The following CNTN5 variants were observed in gnomAD, a reference collection of about 807,000 sequenced individuals.
The protein encoded by CNTN5 is contactin 5.
In CNTN5, 77 loss-of-function variants were observed where a neutral mutation model predicts 129.1. The observed-to-expected ratio is 0.60, with a 90% CI of 0.50 to 0.72. CNTN5 has a LOEUF of 0.72. CNTN5 is among the 30% of genes least tolerant of loss of function. The probability of loss-of-function intolerance (pLI) is 0.00; values close to 1 mark genes in which losing one functional copy is unlikely to be tolerated. For synonymous variants in CNTN5, 509 were observed against 465.6 expected (o/e 1.09, Z -1.20); for missense variants, 1,478 against 1,328.8 (o/e 1.11, Z -1.75).
chr11:100,253,041 A>G (rs1219178713), intron 16 of CNTN5, among the ~76,000 whole-genome samples: 1 of 152,170 alleles, frequency 6.6e-6, no homozygotes, highest in Non-Finnish European at 1.5e-5. Flanking sequence ...TTCAGGGAGT[A>G]AAGGAAGTGA....
intron 1 of CNTN5, chr11:99,049,884 C>G (rs893120680): frequency 6.6e-6 from 1 of 152,140 alleles, no homozygotes; most frequent in African/African-American, 2.4e-5. Flanking sequence ...TTACATGACT[C>G]TGATCATCTC....
intron 2 of CNTN5, among the ~76,000 whole-genome samples, chr11:99,398,733 T>G (rs1941652115): frequency 6.6e-6 from 1 of 151,798 alleles, no homozygotes; most frequent in African/African-American, 2.4e-5. Flanking sequence ...GATGTCAGTC[T>G]GTTTATCAAT....
At chr11:99,550,189 C>T (rs1013543585) in intron 2 of CNTN5, among the ~76,000 whole-genome samples, 4 of 152,128 alleles carry the variant, frequency 2.6e-5, no homozygotes, top group African/African-American at 9.7e-5. Context: ...GCACTTTGTC[C>T]AGGACACAAA....
At chr11:99,889,291 GGTGTGT>G (rs71050029) in intron 6 of CNTN5, among the ~76,000 whole-genome samples, 2 of 33,226 alleles carry the variant, frequency 6.0e-5, no homozygotes, top group Non-Finnish European at 1.2e-4. Context: ...CTCCAGAGCA[GGTGTGT>G]GTGTGTGTGT....
chr11:99,050,958 C>T (rs190682076), intron 1 of CNTN5, among the ~76,000 whole-genome samples: 31 of 151,784 alleles, frequency 2.0e-4, no homozygotes, highest in East Asian at 7.7e-4. Flanking sequence ...TATGTATTTG[C>T]GTATTAATGT....
intron 4 of CNTN5, among the ~76,000 whole-genome samples, chr11:99,841,284 T>A (rs1947481805): frequency 6.6e-6 from 1 of 152,188 alleles, no homozygotes. Flanking sequence ...TCCCTTATTA[T>A]TTAGCCTATA....
At chr11:99,964,019 A>G (rs1565729116) in intron 8 of CNTN5, among the ~76,000 whole-genome samples, 1 of 152,182 alleles carries the variant, frequency 6.6e-6, no homozygotes, top group Non-Finnish European at 1.5e-5. Context: ...GTATGCCGAG[A>G]CTTTGCTGAA....
intron 3 of CNTN5, among the ~76,000 whole-genome samples, chr11:99,713,993 G>A (rs77910469): frequency 3.3e-5 from 5 of 151,916 alleles, no homozygotes; most frequent in South Asian, 2.1e-4. Context: ...GAAATTTTCC[G>A]CAGACACAAA....
intron 3 of CNTN5, among the ~76,000 whole-genome samples, chr11:99,793,478 TG>T (rs1945827117): frequency 6.6e-6 from 1 of 152,198 alleles, no homozygotes. Flanking sequence ...CCGCTAGATT[TG>T]GGGGTGATTT....
At chr11:99,132,142 C>T (rs112345862) in intron 1 of CNTN5, among the ~76,000 whole-genome samples, 12,243 of 151,794 alleles carry the variant, frequency 0.081, 666 homozygotes, top group South Asian at 0.12. Flanking sequence ...GAACTAAAGA[C>T]GAAAACCATA....
chr11:100,196,154 T>C (rs1243884145), intron 15 of CNTN5, among the ~76,000 whole-genome samples: 3 of 151,884 alleles, frequency 2.0e-5, no homozygotes, highest in African/African-American at 7.3e-5. Flanking sequence ...TTCCGGGACT[T>C]AAGCAGGAAT....
intron 3 of CNTN5, among the ~76,000 whole-genome samples, chr11:99,772,071 A>AT (rs5794020): frequency 8.7e-4 from 129 of 148,676 alleles, no homozygotes; most frequent in Admixed American, 2.6e-3. Flanking sequence ...CTTCTGAGGT[A>AT]TTTTTTTTTT....
At chr11:100,090,150 C>G (rs1272434863) in intron 13 of CNTN5, among the ~76,000 whole-genome samples, 1 of 152,092 alleles carries the variant, frequency 6.6e-6, no homozygotes, top group Non-Finnish European at 1.5e-5. Flanking sequence ...TAAAATCCAA[C>G]ATTTTATGAT....
intron 1 of CNTN5, among the ~76,000 whole-genome samples, chr11:99,032,179 G>C (rs1443286333): frequency 1.3e-5 from 2 of 151,822 alleles, no homozygotes; most frequent in East Asian, 3.9e-4. Flanking sequence ...TTGGACATTT[G>C]GGTTGGTTCC....
chr11:99,688,144 T>A (rs1055247906), intron 3 of CNTN5, among the ~76,000 whole-genome samples: 3 of 152,172 alleles, frequency 2.0e-5, no homozygotes, highest in Non-Finnish European at 4.4e-5. Flanking sequence ...ATAACGCAGA[T>A]GAGTTAAAGG....
At position 100,139,349 on chromosome 11, in the gene CNTN5, T is replaced by A. The variant is rs1479917700; in HGVS notation, c.1581-51777T>A. ...TATCAGAAAAAGAAACTGATTTACA[T>A]AGTCATTTAGATAGAAGAAAACAAA... is the stretch of plus-strand genomic sequence containing the variant. On this transcript the variant is annotated intron_variant, in intron 13 of 24. Transcript: ENST00000524871. Among the ~76,000 whole-genome samples the A allele has an allele frequency of 3.3e-5, 5 of 152,224 alleles. No homozygotes were observed. In the East Asian group the frequency reaches 9.7e-4, roughly 29 times the overall value.
chr11:99,390,086 TAAAC>T (rs1330800790), intron 2 of CNTN5, among the ~76,000 whole-genome samples: 2 of 152,020 alleles, frequency 1.3e-5, no homozygotes, highest in African/African-American at 2.4e-5. Flanking sequence ...ATTTAATACT[TAAAC>T]AAAACAAAAT....
At chr11:100,011,683 T>C (rs1940542181) in intron 9 of CNTN5, among the ~76,000 whole-genome samples, 1 of 152,180 alleles carries the variant, frequency 6.6e-6, no homozygotes, top group African/African-American at 2.4e-5. Flanking sequence ...AGTCTTTTGT[T>C]ACACTCCATC....
intron 3 of CNTN5, 144 bp from the exon 4 acceptor site, chr11:99,819,398 ATT>A: frequency 1.6e-6 from 1 of 634,952 alleles, no homozygotes; most frequent in Non-Finnish European, 2.6e-6. Context: ...TAAAAGTAAC[ATT>A]TTTTCACACT....
Sources: gnomAD v4.1 joint callset for allele counts (sites outside exome capture counted in the v4.1 genomes callset) on GRCh38, gnomAD v4.1.1 for gene constraint, MANE v1.5 for transcripts, NCBI Gene and HGNC (gene_info 2026-07-23, HGNC 2026-07-21) for gene names.